Variants in TASP1 observed in about 807,000 individuals in gnomAD.
The protein encoded by TASP1 is taspase 1.
Under a neutral mutation model 56.6 loss-of-function variants are expected in TASP1, and 16 were observed. The observed-to-expected ratio is 0.28, with a 90% confidence interval of 0.19 to 0.43. TASP1 has a LOEUF of 0.43. Ranked by LOEUF, TASP1 falls within the 20% of genes least tolerant of loss-of-function variation. The pLI is 1.00. For missense variants in TASP1, 393 were observed against 511.6 expected, an observed-to-expected ratio of 0.77 and a Z score of 2.24; for synonymous variants, 179 against 184.2, an observed-to-expected ratio of 0.97 and a Z score of 0.23.
chr20:13,105,119 G>A, the TASP1 span, among the ~76,000 whole-genome samples: 1 of 152,134 alleles, frequency 6.6e-6, no homozygotes, highest in Non-Finnish European at 1.5e-5. Flanking sequence ...TGTAACCCAC[G>A]CACTGTAGCC....
At chr20:13,433,442 A>G (rs1289484321) in intron 12 of TASP1, among the ~76,000 whole-genome samples, 1 of 151,920 alleles carries the variant, frequency 6.6e-6, no homozygotes, top group Non-Finnish European at 1.5e-5. Context: ...TTGGTTTAAC[A>G]AAACATGACT....
At chr20:13,147,098 G>T in the TASP1 span, among the ~76,000 whole-genome samples, 2 of 152,174 alleles carry the variant, frequency 1.3e-5, no homozygotes, top group African/African-American at 4.8e-5. Context: ...TCGAAATCAG[G>T]CCATGCCGAC....
chr20:13,366,392 A>C, the TASP1 span, among the ~76,000 whole-genome samples: 1 of 152,284 alleles, frequency 6.6e-6, no homozygotes, highest in South Asian at 2.1e-4. Flanking sequence ...AACCCAGAAG[A>C]ATGAAGTGTC....
At chr20:13,406,025 C>G (rs1260251297) in intron 13 of TASP1, among the ~76,000 whole-genome samples, 1 of 152,194 alleles carries the variant, frequency 6.6e-6, no homozygotes, top group African/African-American at 2.4e-5. Flanking sequence ...AAAGCTGATT[C>G]ATTGATTTTT....
the TASP1 span, among the ~76,000 whole-genome samples, chr20:13,376,187 T>A: frequency 6.6e-6 from 1 of 152,238 alleles, no homozygotes; most frequent in African/African-American, 2.4e-5. Context: ...TAGGTTTTCT[T>A]CTAGGGTTTT....
the TASP1 span, among the ~76,000 whole-genome samples, chr20:13,160,286 T>A: frequency 2.0e-5 from 3 of 152,286 alleles, no homozygotes; most frequent in East Asian, 5.8e-4. Flanking sequence ...CAAGAGCTCG[T>A]CAACAACAGC....
chr20:13,269,142 A>G, the TASP1 span, among the ~76,000 whole-genome samples: 23 of 152,254 alleles, frequency 1.5e-4, no homozygotes, highest in Admixed American at 5.9e-4. Context: ...TACACTCCCA[A>G]ACCCCAAAAC....
chr20:13,234,851 G>A, the TASP1 span, among the ~76,000 whole-genome samples: 3 of 152,080 alleles, frequency 2.0e-5, no homozygotes, highest in African/African-American at 7.2e-5. Flanking sequence ...GATTCTGTAT[G>A]TTAGCCCTTT....
At chr20:13,495,935 A>G (rs974513422) in intron 10 of TASP1, among the ~76,000 whole-genome samples, 1 of 152,190 alleles carries the variant, frequency 6.6e-6, no homozygotes, top group Non-Finnish European at 1.5e-5. Context: ...AAAAACCAAT[A>G]CATAGATTCC....
rs867678921 is a variant in TASP1 at position 13,454,441 on chromosome 20, T to C, written c.986-19287A>G. Among the ~76,000 whole-genome samples, 6 of 152,208 alleles carry C rather than the reference T, an allele frequency of 3.9e-5. No homozygotes were observed. In the Middle Eastern group the frequency reaches 0.02, roughly 518 times the overall value. On this transcript the variant is annotated intron_variant, in intron 11 of 13. Coordinates refer to ENST00000337743, the MANE Select transcript of TASP1 (RefSeq NM_017714.3). ...AGGGAGGTATCCTAGCATGGCTGAA[T>C]GAGCAAACCCTCACCACAGTACTTA... is the stretch of plus-strand genomic sequence containing the variant.
the TASP1 span, among the ~76,000 whole-genome samples, chr20:13,136,375 T>A: frequency 1.3e-5 from 2 of 152,034 alleles, no homozygotes; most frequent in Non-Finnish European, 1.5e-5. Context: ...GGCAGGTGGA[T>A]CACCCGAGCT....
At chr20:13,141,170 A>G in the TASP1 span, among the ~76,000 whole-genome samples, 1 of 152,208 alleles carries the variant, frequency 6.6e-6, no homozygotes, top group East Asian at 1.9e-4. Flanking sequence ...CCTACTGTTT[A>G]TTTTTGACAT....
intron 12 of TASP1, among the ~76,000 whole-genome samples, chr20:13,431,987 A>G (rs1313380546): frequency 1.3e-5 from 2 of 152,208 alleles, no homozygotes; most frequent in African/African-American, 4.8e-5. Context: ...GACTGTAAGA[A>G]ATAAATTAAT....
chr20:13,525,114 G>C (rs1009902158), intron 10 of TASP1, among the ~76,000 whole-genome samples: 8 of 152,096 alleles, frequency 5.3e-5, no homozygotes, highest in African/African-American at 1.9e-4. Context: ...TGTTTCCTTA[G>C]TGGTATAAAA....
chr20:13,418,491 T>G (rs1201322863), intron 12 of TASP1, among the ~76,000 whole-genome samples: 1 of 152,064 alleles, frequency 6.6e-6, no homozygotes, highest in Non-Finnish European at 1.5e-5. Flanking sequence ...CCCATACTGA[T>G]CCAAACAAAT....
intron 9 of TASP1, among the ~76,000 whole-genome samples, chr20:13,531,584 A>G (rs2045221228): frequency 6.7e-6 from 1 of 150,100 alleles, no homozygotes; most frequent in Admixed American, 6.7e-5. Context: ...TCAGCCTCTC[A>G]GGTTCAAGCA....
the TASP1 span, among the ~76,000 whole-genome samples, chr20:13,245,619 T>C: frequency 6.6e-6 from 1 of 152,206 alleles, no homozygotes; most frequent in Non-Finnish European, 1.5e-5. Context: ...CCAATAGTGA[T>C]AGTTCCCCTG....
rs147303350 is a variant in TASP1 at position 13,521,021 on chromosome 20, A to G, written c.874+7412T>C. Among the ~76,000 whole-genome samples the G allele has an allele frequency of 2.0e-3, 311 of 152,356 alleles. 3 individuals carry two copies. Among genetic ancestry groups the G allele is most frequent in the African/African-American group, 7.3e-3 (304 of 41,572 alleles). On this transcript the variant is annotated intron_variant, in intron 10 of 13. Transcript: ENST00000337743. ...TTATGCAACCAAAAGACACATGAAA[A>G]AATGCTCATCATCACTGGCCATCAG...
intron 2 of TASP1, 40 bp from the exon 3 acceptor site, chr20:13,625,292 C>A (rs1274837752): frequency 3.7e-5 from 56 of 1,525,462 alleles, no homozygotes; most frequent in Non-Finnish European, 4.8e-5. Context: ...ATTAAAATAT[C>A]AAGAGACCTT....
Sources: gnomAD v4.1 joint callset for allele counts (sites outside exome capture counted in the v4.1 genomes callset) on GRCh38, gnomAD v4.1.1 for gene constraint, MANE v1.5 for transcripts, NCBI Gene and HGNC (gene_info 2026-07-23, HGNC 2026-07-21) for gene names.